The following SAMSN1 variants were observed in gnomAD, a reference collection of about 807,000 sequenced individuals.
SAMSN1 encodes the protein SAM domain-containing protein SAMSN-1.
Under a neutral mutation model 42.0 loss-of-function variants are expected in SAMSN1, and 31 were observed. The observed-to-expected ratio is 0.74, with a 90% confidence interval of 0.55 to 1.00. SAMSN1 has a LOEUF of 1.00. Among genes scored for constraint, SAMSN1 ranks in the 50% least tolerant of loss-of-function variants. The pLI is 0.00. For synonymous variants in SAMSN1, 178 were observed against 151.9 expected, an observed-to-expected ratio of 1.17 and a Z score of -1.26; for missense variants, 464 against 439.4, an observed-to-expected ratio of 1.06 and a Z score of -0.50.
In SAMSN1 at chr21:14,489,361, A is replaced by C. The variant is rs78403618; in HGVS notation, c.920-3247T>G. Among the ~76,000 whole-genome samples, 968 of 150,778 alleles carry C rather than the reference A, an allele frequency of 6.4e-3. 16 individuals are homozygous for C. Among genetic ancestry groups the C allele is most frequent in the African/African-American group, 0.022 (903 of 40,382 alleles). ...AGGTTTAAAAAAGTATACATAATTC[A>C]TGTATTCTATTATTACAATTATATG... On this transcript the variant is annotated intron_variant, in intron 7 of 7. Transcript: ENST00000400566.
In SAMSN1 at chr21:14,493,112, G is replaced by GGGCA. The variant is rs762533564; in HGVS notation, c.919+5326_919+5329dup. Among the ~76,000 whole-genome samples, 9 of 152,200 alleles carry GGGCA rather than the reference G, an allele frequency of 5.9e-5. 1 individual carries two copies. Among genetic ancestry groups the GGGCA allele is most frequent in the Middle Eastern group, 6.8e-3 (2 of 292 alleles). On this transcript the variant is annotated intron_variant, in intron 7 of 7. Transcript: ENST00000400566. ...CCCGCCATTTGCCCTGCATCGACTT[G>GGGCA]GGCAGGCAGGCAGGCAGGCAGGAAG... is the stretch of plus-strand genomic sequence containing the variant.
intron 2 of SAMSN1, among the ~76,000 whole-genome samples, chr21:14,580,215 G>A (rs966481204): frequency 6.6e-6 from 1 of 152,214 alleles, no homozygotes; most frequent in African/African-American, 2.4e-5. Flanking sequence ...AAGAAAGTGT[G>A]AGACAGCCTT....
intron 5 of SAMSN1, among the ~76,000 whole-genome samples, chr21:14,505,038 C>T (rs943769976): frequency 1.3e-5 from 2 of 152,124 alleles, no homozygotes; most frequent in African/African-American, 4.8e-5. Flanking sequence ...CTTTTTCAGA[C>T]AAACAAATGT....
At chr21:14,488,933 A>C (rs992225055) in intron 7 of SAMSN1, among the ~76,000 whole-genome samples, 4 of 152,174 alleles carry the variant, frequency 2.6e-5, no homozygotes, top group Non-Finnish European at 5.9e-5. Context: ...TATATTACGG[A>C]GATGAAAGCT....
At chr21:14,593,726 A>C (rs1600951205) in intron 7 of SAMSN1, 1 of 246,262 alleles carries the variant, frequency 4.1e-6, no homozygotes, top group East Asian at 7.7e-5. Flanking sequence ...CATGCTTTTT[A>C]ACATTATAAA....
intron 2 of SAMSN1, among the ~76,000 whole-genome samples, chr21:14,628,135 T>C (rs915149829): frequency 6.6e-6 from 1 of 152,130 alleles, no homozygotes; most frequent in African/African-American, 2.4e-5. Flanking sequence ...CACAACAGCA[T>C]CCAATCAATG....
chr21:14,568,174 T>C (rs1981180735), intron 2 of SAMSN1, among the ~76,000 whole-genome samples: 1 of 152,218 alleles, frequency 6.6e-6, no homozygotes, highest in Non-Finnish European at 1.5e-5. Context: ...AAACAAATAT[T>C]GGTTTTATTT....
chr21:14,507,448 G>GCAAAAACAAAAA (rs112414014), intron 5 of SAMSN1, among the ~76,000 whole-genome samples: 1 of 152,006 alleles, frequency 6.6e-6, no homozygotes, highest in East Asian at 1.9e-4. Context: ...TACAATAGCT[G>GCAAAAACAAAAA]CAAAAACAAA....
upstream of SAMSN1, among the ~76,000 whole-genome samples, chr21:14,584,155 A>G (rs1272931202): frequency 6.6e-6 from 1 of 152,202 alleles, no homozygotes; most frequent in Non-Finnish European, 1.5e-5. Context: ...ATTTGCTAGT[A>G]TTGGAATAGA....
chr21:14,529,584 G>C (rs890910563), intron 1 of SAMSN1, among the ~76,000 whole-genome samples: 8 of 152,128 alleles, frequency 5.3e-5, no homozygotes, highest in African/African-American at 1.7e-4. Flanking sequence ...AAGGGCTGTC[G>C]GTATGAATAA....
chr21:14,607,107 A>T (rs1178516176), intron 5 of SAMSN1, among the ~76,000 whole-genome samples: 1 of 152,118 alleles, frequency 6.6e-6, no homozygotes, highest in Non-Finnish European at 1.5e-5. Context: ...CTTCTATTTT[A>T]TTGAAGCCAT....
chr21:14,591,469 G>A (rs1982081301), intron 7 of SAMSN1: 1 of 152,102 alleles, frequency 6.6e-6, no homozygotes, highest in Non-Finnish European at 1.5e-5. Context: ...TCACTGCAAG[G>A]TGATTTCTTT....
At chr21:14,525,783 T>C (rs1056851973) in intron 1 of SAMSN1, among the ~76,000 whole-genome samples, 1 of 152,216 alleles carries the variant, frequency 6.6e-6, no homozygotes, top group Non-Finnish European at 1.5e-5. Context: ...TGTTCCATAA[T>C]AAATTGTTGA....
intron 2 of SAMSN1, among the ~76,000 whole-genome samples, chr21:14,577,340 C>G (rs1381340913): frequency 7.2e-6 from 1 of 138,444 alleles, no homozygotes; most frequent in Non-Finnish European, 1.5e-5. Flanking sequence ...GTCTCGATCT[C>G]CTGACCTCAT....
rs2822751 is a variant in SAMSN1, at chr21:14,529,471, A to C, written c.58-8250T>G. Among the ~76,000 whole-genome samples the C allele has an allele frequency of 2.5e-3, 387 of 152,348 alleles. 1 individual carries two copies. Among genetic ancestry groups the C allele is most frequent in the African/African-American group, 8.9e-3 (372 of 41,586 alleles). The stretch of plus-strand genomic sequence containing the variant: ...TTAGAACTTAATCATGTTGCAACTA[A>C]TGACAATAATTTGTTGATGTTTAAA... On this transcript the variant is annotated intron_variant, in intron 1 of 7. Transcript: ENST00000400566.
intron 1 of SAMSN1, among the ~76,000 whole-genome samples, chr21:14,535,389 A>G (rs1361047896): frequency 6.6e-6 from 1 of 152,170 alleles, no homozygotes; most frequent in Non-Finnish European, 1.5e-5. Context: ...GTCAAGTCAA[A>G]TGTGGGGCTG....
intron 2 of SAMSN1, among the ~76,000 whole-genome samples, chr21:14,642,527 T>A (rs1983620234): frequency 6.6e-6 from 1 of 152,180 alleles, no homozygotes; most frequent in African/African-American, 2.4e-5. Flanking sequence ...AAACTATGGG[T>A]AGCTTGAAAT....
chr21:14,610,354 C>T (rs1241762206), intron 4 of SAMSN1, among the ~76,000 whole-genome samples: 1 of 152,148 alleles, frequency 6.6e-6, no homozygotes, highest in Non-Finnish European at 1.5e-5. Flanking sequence ...TGCCCCCAGG[C>T]TTGCTAGGAT....
chr21:14,570,395 G>A (rs2178937), intron 2 of SAMSN1, among the ~76,000 whole-genome samples: 49,214 of 152,046 alleles, frequency 0.32, 10,215 homozygotes, highest in African/African-American at 0.6. Flanking sequence ...ATGTCCAAGT[G>A]GAATCAGGGG....
Sources: gnomAD v4.1 joint callset for allele counts (sites outside exome capture counted in the v4.1 genomes callset) on GRCh38, gnomAD v4.1.1 for gene constraint, MANE v1.5 for transcripts, NCBI Gene and HGNC (gene_info 2026-07-23, HGNC 2026-07-21) for gene names.